The following MACROD2 variants were observed in gnomAD, a reference collection of about 807,000 sequenced individuals.
MACROD2 encodes mono-ADP ribosylhydrolase 2.
In MACROD2, 36 loss-of-function variants were observed where a neutral mutation model predicts 70.4. That is an observed-to-expected ratio of 0.51 (90% CI 0.39 to 0.68). The LOEUF (loss-of-function observed/expected upper bound fraction) is 0.68. Ranked by LOEUF, MACROD2 falls within the 30% of genes least tolerant of loss-of-function variation. MACROD2 has a pLI of 0.00. For synonymous variants in MACROD2, 172 were observed against 178.8 expected (o/e 0.96, Z 0.30); for missense variants, 496 against 538.4 (o/e 0.92, Z 0.78).
At chr20:14,620,563 T>C (rs1983771623) in intron 4 of MACROD2, among the ~76,000 whole-genome samples, 1 of 152,116 alleles carries the variant, frequency 6.6e-6, no homozygotes. Context: ...TTCAGTATCA[T>C]AGGGAGAAAA....
intron 3 of MACROD2, among the ~76,000 whole-genome samples, chr20:14,346,488 A>C (rs536820713): frequency 6.6e-6 from 1 of 152,348 alleles, no homozygotes; most frequent in South Asian, 2.1e-4. Flanking sequence ...GATTTCTAGT[A>C]ATTGTATAGC....
chr20:16,033,912 A>G (rs1469586957), intron 15 of MACROD2, among the ~76,000 whole-genome samples: 1 of 152,032 alleles, frequency 6.6e-6, no homozygotes, highest in Non-Finnish European at 1.5e-5. Flanking sequence ...AATCAAAGGC[A>G]TACTCAATGA....
chr20:15,897,003 T>C (rs1359751984), intron 10 of MACROD2, among the ~76,000 whole-genome samples: 1 of 152,174 alleles, frequency 6.6e-6, no homozygotes, highest in Admixed American at 6.5e-5. Flanking sequence ...TTAGACCTTT[T>C]TTTTTCTTAC....
At chr20:14,050,499 C>A (rs1296001955) in intron 2 of MACROD2, among the ~76,000 whole-genome samples, 1 of 152,050 alleles carries the variant, frequency 6.6e-6, no homozygotes, top group Non-Finnish European at 1.5e-5. Flanking sequence ...GCTTCAGAGA[C>A]GGACAGACGT....
At chr20:15,458,618 TGTTTTTTTG>T (rs2046762899) in intron 7 of MACROD2, among the ~76,000 whole-genome samples, 1 of 147,236 alleles carries the variant, frequency 6.8e-6, no homozygotes, top group African/African-American at 2.6e-5. Context: ...ACTGTTTTTT[TGTTTTTTTG>T]TTTTTTTTTT....
At chr20:15,966,811 C>T (rs949940892) in intron 12 of MACROD2, among the ~76,000 whole-genome samples, 1 of 152,172 alleles carries the variant, frequency 6.6e-6, no homozygotes, top group African/African-American at 2.4e-5. Context: ...TTGCTGTCTT[C>T]CTGTTGATCC....
chr20:14,246,170 A>G (rs1483407966), intron 3 of MACROD2, among the ~76,000 whole-genome samples: 1 of 152,110 alleles, frequency 6.6e-6, no homozygotes, highest in Non-Finnish European at 1.5e-5. Context: ...GTACATCTTT[A>G]TCTGTTCAGG....
chr20:15,973,916 A>G (rs958510229), intron 13 of MACROD2, among the ~76,000 whole-genome samples: 2 of 152,188 alleles, frequency 1.3e-5, no homozygotes, highest in African/African-American at 4.8e-5. Context: ...TTTGTGTCAG[A>G]TGATATGGCA....
intron 2 of MACROD2, among the ~76,000 whole-genome samples, chr20:14,082,708 C>CATTT (rs5840593): frequency 0.99 from 151,340 of 152,318 alleles, 75,192 homozygotes; most frequent in East Asian, 1. Context: ...TTTCTGCATT[C>CATTT]GTGATAAGTC....
At chr20:14,692,829 A>C (rs2071079563) in intron 5 of MACROD2, among the ~76,000 whole-genome samples, 1 of 152,086 alleles carries the variant, frequency 6.6e-6, no homozygotes, top group Non-Finnish European at 1.5e-5. Flanking sequence ...AGCTTCTTTC[A>C]TTTTCTCTTA....
chr20:14,337,223 C>T (rs911402934), intron 3 of MACROD2, among the ~76,000 whole-genome samples: 20 of 152,164 alleles, frequency 1.3e-4, no homozygotes, highest in Admixed American at 1.2e-3. Flanking sequence ...AAACTTCTTA[C>T]ATTCAGCCAT....
At chr20:14,747,631 T>A (rs2071816214) in intron 5 of MACROD2, among the ~76,000 whole-genome samples, 1 of 152,134 alleles carries the variant, frequency 6.6e-6, no homozygotes, top group African/African-American at 2.4e-5. Flanking sequence ...TCTGCCATTT[T>A]TTTTGCCCCT....
At chr20:15,562,299 T>TG (rs2048255179) in intron 8 of MACROD2, among the ~76,000 whole-genome samples, 1 of 152,146 alleles carries the variant, frequency 6.6e-6, no homozygotes, top group African/African-American at 2.4e-5. Context: ...TTTTGTGATG[T>TG]GGGGCCTTCA....
At chr20:15,195,633 G>T (rs779333380) in intron 5 of MACROD2, among the ~76,000 whole-genome samples, 1 of 152,154 alleles carries the variant, frequency 6.6e-6, no homozygotes. Context: ...ACTGTTGGTC[G>T]GAGTATAAAT....
At position 14,805,651 on chromosome 20, in the gene MACROD2, T is replaced by G. The variant is rs572658750; in HGVS notation, c.418+120692T>G. On this transcript the variant is annotated intron_variant, in intron 5 of 17. Coordinates refer to ENST00000684519, the MANE Select transcript of MACROD2 (RefSeq NM_001351661.2). ...CAGGGTTCAAATCTAGGTCTCTGAT[T>G]TTAAACTCCATGTTCTCAACACTAT... is the stretch of plus-strand genomic sequence containing the variant. Among the ~76,000 whole-genome samples, 293 of 152,162 alleles carry G rather than the reference T, an allele frequency of 1.9e-3. 4 individuals carry two copies. The highest frequency in any genetic ancestry group is 6.9e-3 in the African/African-American group (285 of 41,484).
At chr20:14,029,533 G>C (rs1252745211) in intron 2 of MACROD2, among the ~76,000 whole-genome samples, 1 of 152,170 alleles carries the variant, frequency 6.6e-6, no homozygotes, top group African/African-American at 2.4e-5. Context: ...AGGGCTGAAA[G>C]CAACAATTTG....
At chr20:15,223,134 G>T (rs2076876069) in intron 5 of MACROD2, among the ~76,000 whole-genome samples, 2 of 152,162 alleles carry the variant, frequency 1.3e-5, no homozygotes, top group Admixed American at 6.5e-5. Context: ...AAATAGATGA[G>T]CAAAAACAGA....
At chr20:15,966,629 C>A (rs1005803928) in intron 12 of MACROD2, among the ~76,000 whole-genome samples, 1 of 152,204 alleles carries the variant, frequency 6.6e-6, no homozygotes, top group Non-Finnish European at 1.5e-5. Flanking sequence ...ATGGTCCTAG[C>A]TACTACAGAG....
intron 5 of MACROD2, among the ~76,000 whole-genome samples, chr20:15,097,826 T>C (rs2075845167): frequency 6.6e-6 from 1 of 152,192 alleles, no homozygotes; most frequent in Non-Finnish European, 1.5e-5. Flanking sequence ...TGGTTTCTAA[T>C]GAAGATCAAT....
Sources: gnomAD v4.1 joint callset for allele counts (sites outside exome capture counted in the v4.1 genomes callset) on GRCh38, gnomAD v4.1.1 for gene constraint, MANE v1.5 for transcripts, NCBI Gene and HGNC (gene_info 2026-07-23, HGNC 2026-07-21) for gene names.